The following TTC27 variants were observed in gnomAD, a reference collection of about 807,000 sequenced individuals.
TTC27 encodes tetratricopeptide repeat protein 27.
A neutral mutation model predicts 115.9 loss-of-function variants in TTC27; 79 were observed. That is an observed-to-expected ratio of 0.68 (90% CI 0.57 to 0.82). TTC27 has a LOEUF of 0.82. Ranked by LOEUF, TTC27 falls within the 40% of genes least tolerant of loss-of-function variation. The pLI, the probability that TTC27 is intolerant of heterozygous loss-of-function variation, is 0.00. For missense variants in TTC27, 1,054 were observed against 993.1 expected (o/e 1.06, Z -0.82); for synonymous variants, 401 against 356.0 (o/e 1.13, Z -1.42).
At chr2:32,686,284 A>G (rs1161717617) in intron 9 of TTC27, among the ~76,000 whole-genome samples, 2 of 152,124 alleles carry the variant, frequency 1.3e-5, no homozygotes, top group Non-Finnish European at 2.9e-5. Flanking sequence ...CGTAGCAATC[A>G]GAATCCCCAT....
At chr2:32,629,431 G>T (rs2063541926) in intron 1 of TTC27, among the ~76,000 whole-genome samples, 1 of 151,502 alleles carries the variant, frequency 6.6e-6, no homozygotes, top group Non-Finnish European at 1.5e-5. Context: ...AGGCGGCAAT[G>T]ATTTATTTTT....
chr2:32,726,308 G>A (rs1413404424), intron 10 of TTC27, among the ~76,000 whole-genome samples: 2 of 152,250 alleles, frequency 1.3e-5, no homozygotes, highest in African/African-American at 4.8e-5. Flanking sequence ...TTTATGCTCT[G>A]CTTCCCTTAT....
Position 32,702,079 on chromosome 2 carries a change from G to T in TTC27, c.1120-728G>T, listed in dbSNP as rs569254277. Among the ~76,000 whole-genome samples the T allele has an allele frequency of 6.6e-5, 10 of 151,372 alleles. No homozygotes were observed. In the East Asian group the frequency reaches 1.8e-3, roughly 27 times the overall value. On this transcript the variant is annotated intron_variant, in intron 9 of 19. Coordinates refer to ENST00000317907, the MANE Select transcript of TTC27 (RefSeq NM_017735.5). ...CTGACACCCACATCCTGCTCTCAGAGATCTGATATACTTTTAGAATACCAA... is the reference window on the plus strand; with the variant it reads ...CTGACACCCACATCCTGCTCTCAGATATCTGATATACTTTTAGAATACCAA...
chr2:32,793,007 G>A (rs956751969), intron 16 of TTC27, among the ~76,000 whole-genome samples: 2 of 152,108 alleles, frequency 1.3e-5, no homozygotes, highest in Non-Finnish European at 2.9e-5. Context: ...AAATAGGGTT[G>A]GGACAGAGAA....
rs936919880 is a variant in TTC27 at position 32,754,090 on chromosome 2, TAAAAAA to T, written c.1453-4201_1453-4196del. ...CTCCATCTCAAAAATAAAAATAAAA[TAAAAAA>T]TAAAAATAAATAAAAAATTAAAGAA... On this transcript the variant is annotated intron_variant, in intron 12 of 19. Coordinates refer to ENST00000317907, the MANE Select transcript of TTC27 (RefSeq NM_017735.5). Among the ~76,000 whole-genome samples the T allele has an allele frequency of 2.0e-3, 292 of 145,590 alleles. 1 individual carries two copies. The highest frequency in any genetic ancestry group is 3.6e-3 in the Non-Finnish European group (238 of 65,884).
chr2:32,650,061 A>C, intron 4 of TTC27, 70 bp from the exon 5 acceptor site: 1 of 1,292,592 alleles, frequency 7.7e-7, no homozygotes, highest in Non-Finnish European at 1.1e-6. Flanking sequence ...AATTCTAAAA[A>C]TCTCAGTTAA....
At chr2:32,692,035 G>GTTTTTT (rs1559208253) in intron 9 of TTC27, among the ~76,000 whole-genome samples, 1 of 59,124 alleles carries the variant, frequency 1.7e-5, no homozygotes, top group African/African-American at 5.2e-5. Flanking sequence ...TAATTTTTTA[G>GTTTTTT]GTTTTTTTTT....
At chr2:32,769,839 A>G (rs1234843807) in intron 13 of TTC27, among the ~76,000 whole-genome samples, 1 of 152,220 alleles carries the variant, frequency 6.6e-6, no homozygotes, top group Non-Finnish European at 1.5e-5. Flanking sequence ...GTGTTAAGAC[A>G]CAGACTCCTG....
intron 13 of TTC27, among the ~76,000 whole-genome samples, chr2:32,772,554 C>T (rs922067469): frequency 6.6e-6 from 1 of 152,156 alleles, no homozygotes; most frequent in Non-Finnish European, 1.5e-5. Context: ...CCATGAGACA[C>T]TCCACACTTT....
At chr2:32,700,669 C>T (rs966276922) in intron 9 of TTC27, among the ~76,000 whole-genome samples, 17 of 152,148 alleles carry the variant, frequency 1.1e-4, no homozygotes, top group Non-Finnish European at 7.3e-5. Flanking sequence ...TCCTGAGTAG[C>T]TGGTATCACA....
At chr2:32,650,075 A>G in intron 4 of TTC27, 56 bp from the exon 5 acceptor site, 5 of 1,431,096 alleles carry the variant, frequency 3.5e-6, no homozygotes, top group Non-Finnish European at 4.8e-6. Context: ...CAGTTAATGT[A>G]AAAAGAGTTT....
intron 9 of TTC27, among the ~76,000 whole-genome samples, chr2:32,696,720 C>T (rs148705809): frequency 1.2e-3 from 189 of 152,268 alleles, no homozygotes; most frequent in African/African-American, 4.3e-3. Context: ...AGGCATGACC[C>T]AGAAATGGAA....
chr2:32,799,259 G>A (rs979492584), intron 16 of TTC27, among the ~76,000 whole-genome samples: 1 of 152,178 alleles, frequency 6.6e-6, no homozygotes, highest in African/African-American at 2.4e-5. Flanking sequence ...GGTTTAATGG[G>A]GTAGAGTTTC....
At chr2:32,741,176 G>A (rs992083931) in intron 12 of TTC27, among the ~76,000 whole-genome samples, 9 of 152,308 alleles carry the variant, frequency 5.9e-5, no homozygotes, top group African/African-American at 2.2e-4. Flanking sequence ...TCAGCTAACT[G>A]CTACTTATTC....
intron 12 of TTC27, among the ~76,000 whole-genome samples, chr2:32,753,718 A>G (rs1185326041): frequency 6.7e-6 from 1 of 150,252 alleles, no homozygotes; most frequent in Non-Finnish European, 1.5e-5. Flanking sequence ...AAGTGTTGGG[A>G]TTACAGGCTT....
At chr2:32,642,453 A>G (rs970480994) in intron 4 of TTC27, among the ~76,000 whole-genome samples, 11 of 151,494 alleles carry the variant, frequency 7.3e-5, no homozygotes, top group African/African-American at 2.4e-4. Context: ...TGGTTTCGCC[A>G]TGTTGGCCGT....
intron 10 of TTC27, among the ~76,000 whole-genome samples, chr2:32,723,989 A>C (rs1368480074): frequency 2.0e-5 from 1 of 48,852 alleles, no homozygotes; most frequent in Non-Finnish European, 4.0e-5. Flanking sequence ...TTTTTTTTTT[A>C]TAGAAAGGAT....
chr2:32,629,911 T>G (rs1486546169), intron 1 of TTC27, among the ~76,000 whole-genome samples: 2 of 152,142 alleles, frequency 1.3e-5, no homozygotes, highest in African/African-American at 4.8e-5. Context: ...GTGTGGGCAC[T>G]TGTGTGACAC....
chr2:32,712,061 C>G (rs933734995), intron 10 of TTC27, among the ~76,000 whole-genome samples: 5 of 152,132 alleles, frequency 3.3e-5, no homozygotes, highest in African/African-American at 1.2e-4. Flanking sequence ...AACCTTGCCC[C>G]AGTTTGTCTG....
Sources: allele counts gnomAD v4.1 joint callset (sites outside exome capture counted in the v4.1 genomes callset), GRCh38; gene constraint gnomAD v4.1.1; transcripts MANE v1.5; gene names NCBI Gene and HGNC (gene_info 2026-07-23, HGNC 2026-07-21).